The following CACNA2D1 variants were observed in gnomAD, a reference collection of about 807,000 sequenced individuals.
CACNA2D1 encodes voltage-dependent calcium channel subunit alpha-2/delta-1.
In CACNA2D1, 53 loss-of-function variants were observed where a neutral mutation model predicts 171.5. The ratio of observed to expected loss-of-function variants is 0.31; its 90% confidence interval spans 0.25 to 0.39. The LOEUF (loss-of-function observed/expected upper bound fraction) is 0.39, where lower values mean the gene tolerates loss of function less well. Among genes scored for constraint, CACNA2D1 ranks in the 10% least tolerant of loss-of-function variants. The pLI is 1.00. For synonymous variants in CACNA2D1, 442 were observed against 443.1 expected, an observed-to-expected ratio of 1.00 and a Z score of 0.03; for missense variants, 903 against 1,299.8, an observed-to-expected ratio of 0.69 and a Z score of 4.69.
intron 6 of CACNA2D1, among the ~76,000 whole-genome samples, chr7:82,087,972 A>C (rs1810673932): frequency 6.6e-6 from 1 of 151,608 alleles, no homozygotes; most frequent in Non-Finnish European, 1.5e-5. Context: ...TACACACATT[A>C]TCTCTCTCTC....
intron 1 of CACNA2D1, among the ~76,000 whole-genome samples, chr7:82,418,238 G>A (rs902732731): frequency 6.6e-6 from 1 of 152,084 alleles, no homozygotes; most frequent in African/African-American, 2.4e-5. Flanking sequence ...CATTAGAATA[G>A]GATGGGAGAA....
chr7:82,395,654 T>C (rs2129451170), intron 1 of CACNA2D1, among the ~76,000 whole-genome samples: 1 of 152,306 alleles, frequency 6.6e-6, no homozygotes, highest in Middle Eastern at 3.4e-3. Context: ...GCACAATTAA[T>C]AGTCTATTTG....
chr7:82,061,576 C>A lies in CACNA2D1; in HGVS notation c.780-1049G>T, dbSNP rs77401342. On this transcript the variant is annotated intron_variant, in intron 9 of 38. Transcript: ENST00000356860. ...TTTTGGCATTTTCTCTCTCTCCTCCCTGTAACCACCCAACAGGTTCTTCCT... is the reference window on the plus strand; with the variant it reads ...TTTTGGCATTTTCTCTCTCTCCTCCATGTAACCACCCAACAGGTTCTTCCT... Among the ~76,000 whole-genome samples, 1,113 of 152,284 alleles carry A rather than the reference C, an allele frequency of 7.3e-3. 14 individuals are homozygous for A. The highest frequency in any genetic ancestry group is 0.025 in the African/African-American group (1,059 of 41,558).
chr7:81,960,454 G>C (rs1373131353), intron 36 of CACNA2D1, among the ~76,000 whole-genome samples: 1 of 151,924 alleles, frequency 6.6e-6, no homozygotes, highest in East Asian at 1.9e-4. Flanking sequence ...ACTGCACTGG[G>C]CAACACAGAC....
rs1216061270 is a variant in CACNA2D1, at chr7:81,948,448, C to T, written c.*1944G>A. 1 of 148,854 alleles carries T rather than the reference C, an allele frequency of 6.7e-6. No homozygotes were observed. The highest frequency in any genetic ancestry group is 1.5e-5 in the Non-Finnish European group (1 of 66,590). 9.2% of individuals were successfully genotyped at this position (148,854 alleles called of 1,614,324 possible). On this transcript the variant is annotated 3_prime_UTR_variant, in exon 39 of 39. Coordinates refer to ENST00000356860, the MANE Select transcript of CACNA2D1 (RefSeq NM_000722.4). ...TAGTTGGCAAAGTGATTCCATTTCC[C>T]CCCACCTTTTTATTGAAAAAAAAAA...
chr7:82,226,119 T>C (rs1802336190), intron 3 of CACNA2D1, among the ~76,000 whole-genome samples: 1 of 152,216 alleles, frequency 6.6e-6, no homozygotes, highest in African/African-American at 2.4e-5. Context: ...CAGCCCTTCT[T>C]GGACTTCTTT....
intron 3 of CACNA2D1, among the ~76,000 whole-genome samples, chr7:82,333,728 A>C (rs2129444143): frequency 6.6e-6 from 1 of 151,940 alleles, no homozygotes; most frequent in African/African-American, 2.4e-5. Context: ...GGAGTTTACT[A>C]GGGGAAGGCA....
At chr7:82,227,893 T>C (rs1802524386) in intron 3 of CACNA2D1, among the ~76,000 whole-genome samples, 1 of 152,130 alleles carries the variant, frequency 6.6e-6, no homozygotes, top group Admixed American at 6.6e-5. Flanking sequence ...TTAGGTCAGA[T>C]TGTTTGCCTC....
chr7:82,380,529 G>A (rs2129449261), intron 1 of CACNA2D1, among the ~76,000 whole-genome samples: 1 of 152,186 alleles, frequency 6.6e-6, no homozygotes, highest in East Asian at 1.9e-4. Context: ...GAGACAGGCG[G>A]CAAGTGAGAG....
rs940102580 is a variant in CACNA2D1 at position 82,443,526 on chromosome 7, G to C, written c.-67C>G. ...GGGAAGGAGCGGCGCTGGAAACCGC[G>C]GGCGGAGGAAGAGCAGCACACGCCG... On this transcript the variant is annotated 5_prime_UTR_variant, in exon 1 of 39. Coordinates refer to ENST00000356860, the MANE Select transcript of CACNA2D1 (RefSeq NM_000722.4). 88 of 1,572,240 alleles carry C rather than the reference G, an allele frequency of 5.6e-5. No individual in the cohort carries two copies. The highest frequency in any genetic ancestry group is 1.2e-5 in the Non-Finnish European group (14 of 1,159,916).
chr7:82,332,343 A>G (rs145622871), intron 3 of CACNA2D1, among the ~76,000 whole-genome samples: 108 of 152,322 alleles, frequency 7.1e-4, no homozygotes, highest in African/African-American at 2.3e-3. Context: ...GGCATGAGCC[A>G]CTGCATCTGA....
At chr7:82,242,621 A>G (rs10248162) in intron 3 of CACNA2D1, among the ~76,000 whole-genome samples, 16,613 of 152,162 alleles carry the variant, frequency 0.11, 1,561 homozygotes, top group African/African-American at 0.25. Context: ...AATCACTGAA[A>G]GAACACACTT....
chr7:82,100,694 T>A (rs1812573814), intron 6 of CACNA2D1, among the ~76,000 whole-genome samples: 1 of 152,190 alleles, frequency 6.6e-6, no homozygotes, highest in Non-Finnish European at 1.5e-5. Context: ...TGTATACACA[T>A]GTGTATTTAT....
At chr7:82,303,016 CAG>C (rs1161548453) in intron 3 of CACNA2D1, among the ~76,000 whole-genome samples, 42 of 152,074 alleles carry the variant, frequency 2.8e-4, no homozygotes, top group African/African-American at 9.6e-4. Flanking sequence ...TTTTTTGAGA[CAG>C]AGTCTCCCTC....
upstream of CACNA2D1, chr7:82,443,819 G>T (rs1052850959): frequency 2.2e-3 from 1,642 of 763,438 alleles, 2 homozygotes; most frequent in Non-Finnish European, 2.7e-3. Context: ...CCCGATTGCC[G>T]AGGCGAAGGC....
chr7:82,405,247 T>C (rs1563504971), intron 1 of CACNA2D1, among the ~76,000 whole-genome samples: 1 of 152,122 alleles, frequency 6.6e-6, no homozygotes, highest in Non-Finnish European at 1.5e-5. Context: ...AGTAGTAACA[T>C]AAAAAAATAG....
intron 6 of CACNA2D1, among the ~76,000 whole-genome samples, chr7:82,093,911 T>C (rs186317874): frequency 1.3e-5 from 2 of 152,342 alleles, no homozygotes; most frequent in African/African-American, 2.4e-5. Context: ...TTGGCTTTGC[T>C]GTGAGACTGC....
At chr7:82,146,586 G>A (rs913735837) in intron 4 of CACNA2D1, among the ~76,000 whole-genome samples, 2 of 149,624 alleles carry the variant, frequency 1.3e-5, no homozygotes, top group African/African-American at 2.5e-5. Context: ...TAGAGACAAT[G>A]TTCTATTGTG....
At chr7:82,249,532 T>C (rs1424884795) in intron 3 of CACNA2D1, among the ~76,000 whole-genome samples, 7 of 152,214 alleles carry the variant, frequency 4.6e-5, no homozygotes, top group African/African-American at 1.7e-4. Context: ...GTTCTTAACT[T>C]CTTCATATGT....
Sources: gnomAD v4.1 joint callset for allele counts (sites outside exome capture counted in the v4.1 genomes callset) on GRCh38, gnomAD v4.1.1 for gene constraint, MANE v1.5 for transcripts, NCBI Gene and HGNC (gene_info 2026-07-23, HGNC 2026-07-21) for gene names.